KCNMB2: variants seen among roughly 807,000 people sequenced by gnomAD.
The protein encoded by KCNMB2 is calcium-activated potassium channel subunit beta-2.
A neutral mutation model predicts 24.5 loss-of-function variants in KCNMB2; 9 were observed. The ratio of observed to expected loss-of-function variants is 0.37; its 90% CI spans 0.22 to 0.64. The LOEUF (loss-of-function observed/expected upper bound fraction) is 0.64. Ranked by LOEUF, KCNMB2 falls within the 30% of genes least tolerant of loss-of-function variation. The pLI, the probability that KCNMB2 is intolerant of heterozygous loss-of-function variation, is 0.63. For synonymous variants in KCNMB2, 109 were observed against 104.4 expected (o/e 1.04, Z -0.27); for missense variants, 226 against 284.3 (o/e 0.79, Z 1.47).
chr3:178,678,295 T>C (rs114897566), intron 1 of KCNMB2, among the ~76,000 whole-genome samples: 1,900 of 152,290 alleles, frequency 0.012, 30 homozygotes, highest in African/African-American at 0.043. Flanking sequence ...AAGGGGGTGG[T>C]GCATGAATTA....
chr3:178,561,770 T>C (rs530961830), intron 1 of KCNMB2, among the ~76,000 whole-genome samples: 18 of 152,292 alleles, frequency 1.2e-4, no homozygotes, highest in African/African-American at 4.1e-4. Flanking sequence ...GCAGCAACTA[T>C]AGTGTATGTG....
At chr3:178,633,093 G>A (rs571358091) in intron 1 of KCNMB2, among the ~76,000 whole-genome samples, 12 of 152,266 alleles carry the variant, frequency 7.9e-5, no homozygotes, top group East Asian at 3.9e-4. Context: ...GGGCAGCTCC[G>A]CCCCTGTAGC....
At chr3:178,740,071 G>A (rs1438502654) in intron 1 of KCNMB2, among the ~76,000 whole-genome samples, 1 of 151,918 alleles carries the variant, frequency 6.6e-6, no homozygotes, top group Non-Finnish European at 1.5e-5. Flanking sequence ...TGAAATGTCA[G>A]CAAGTGATTT....
At chr3:178,544,856 A>T (rs1161216768) in intron 1 of KCNMB2, among the ~76,000 whole-genome samples, 1 of 152,246 alleles carries the variant, frequency 6.6e-6, no homozygotes, top group Non-Finnish European at 1.5e-5. Flanking sequence ...CATTGAAAGC[A>T]GCAACGATGT....
At chr3:178,655,845 A>T (rs10513757) in intron 1 of KCNMB2, among the ~76,000 whole-genome samples, 26,184 of 152,102 alleles carry the variant, frequency 0.17, 3,416 homozygotes, top group African/African-American at 0.37. Flanking sequence ...AGCTTCCCAG[A>T]CTTCCTGAAT....
chr3:178,755,214 C>T (rs904767056), intron 1 of KCNMB2, among the ~76,000 whole-genome samples: 8 of 152,198 alleles, frequency 5.3e-5, no homozygotes, highest in Non-Finnish European at 8.8e-5. Context: ...ACTCAAAAAA[C>T]GCCCCATGAA....
At chr3:178,605,164 G>C (rs944958460) in intron 1 of KCNMB2, among the ~76,000 whole-genome samples, 1 of 152,100 alleles carries the variant, frequency 6.6e-6, no homozygotes, top group Non-Finnish European at 1.5e-5. Flanking sequence ...TTGGTGATTA[G>C]GTTGTGAGGA....
intron 1 of KCNMB2, among the ~76,000 whole-genome samples, chr3:178,786,308 A>T (rs1713096472): frequency 1.3e-5 from 2 of 152,198 alleles, no homozygotes; most frequent in African/African-American, 4.8e-5. Flanking sequence ...TGGCCACAAA[A>T]TACCTCCCTT....
intron 1 of KCNMB2, among the ~76,000 whole-genome samples, chr3:178,560,983 C>A (rs1302697887): frequency 6.6e-6 from 1 of 152,140 alleles, no homozygotes; most frequent in African/African-American, 2.4e-5. Flanking sequence ...AAGCACACAG[C>A]AGAGTATCAG....
intron 1 of KCNMB2, among the ~76,000 whole-genome samples, chr3:178,683,693 A>G (rs1052004271): frequency 1.1e-4 from 16 of 152,176 alleles, no homozygotes; most frequent in Admixed American, 2.0e-4. Flanking sequence ...CCCAACCCTC[A>G]GTTTAACCTT....
At chr3:178,798,661 G>A (rs1713650045) in intron 1 of KCNMB2, among the ~76,000 whole-genome samples, 2 of 152,186 alleles carry the variant, frequency 1.3e-5, no homozygotes, top group South Asian at 4.1e-4. Flanking sequence ...ACTTATAAGT[G>A]AGAGCTGAAC....
At chr3:178,835,909 T>C (rs1715211400) in intron 4 of KCNMB2, among the ~76,000 whole-genome samples, 1 of 152,204 alleles carries the variant, frequency 6.6e-6, no homozygotes. Flanking sequence ...ATATTGTTTA[T>C]GTTTTTGTCA....
At chr3:178,780,317 T>C (rs1712776320) in intron 1 of KCNMB2, among the ~76,000 whole-genome samples, 1 of 152,194 alleles carries the variant, frequency 6.6e-6, no homozygotes, top group African/African-American at 2.4e-5. Context: ...TTATTCCTTA[T>C]AGGAACAATG....
At chr3:178,785,665 A>G (rs1162964418) in intron 1 of KCNMB2, among the ~76,000 whole-genome samples, 8 of 152,078 alleles carry the variant, frequency 5.3e-5, no homozygotes, top group Admixed American at 2.6e-4. Flanking sequence ...CTGTTTCTTG[A>G]CTTGGATGCT....
At chr3:178,819,481 C>T (rs1458357065) in intron 2 of KCNMB2, among the ~76,000 whole-genome samples, 1 of 152,056 alleles carries the variant, frequency 6.6e-6, no homozygotes, top group Non-Finnish European at 1.5e-5. Context: ...CCTCGGCCTC[C>T]AGTCTCCCTT....
intron 1 of KCNMB2, among the ~76,000 whole-genome samples, chr3:178,606,820 A>G (rs753671302): frequency 2.0e-5 from 3 of 152,226 alleles, no homozygotes; most frequent in Non-Finnish European, 4.4e-5. Flanking sequence ...CAGAGCCCTT[A>G]CAAATGGGAT....
At chr3:178,567,158 G>A (rs1293700600) in intron 1 of KCNMB2, among the ~76,000 whole-genome samples, 1 of 152,144 alleles carries the variant, frequency 6.6e-6, no homozygotes, top group Admixed American at 6.6e-5. Context: ...CTGACCAGAA[G>A]CAGAAAGATC....
intron 1 of KCNMB2, among the ~76,000 whole-genome samples, chr3:178,688,656 A>G (rs1721554211): frequency 6.6e-6 from 1 of 152,220 alleles, no homozygotes; most frequent in Admixed American, 6.5e-5. Flanking sequence ...GCAAACAAAA[A>G]GAAAACCCTA....
intron 1 of KCNMB2, among the ~76,000 whole-genome samples, chr3:178,784,874 T>TAAAAAAAAAAAAAAAAAAAAAAAAAA (rs67483966): frequency 8.2e-6 from 1 of 121,394 alleles, no homozygotes; most frequent in Admixed American, 8.7e-5. Flanking sequence ...CCTGAAGCCT[T>TAAAAAAAAAAAAAAAAAAAAAAAAAA]AAAAAAAAAA....
Sources: gnomAD v4.1 joint callset for allele counts (sites outside exome capture counted in the v4.1 genomes callset) on GRCh38, gnomAD v4.1.1 for gene constraint, MANE v1.5 for transcripts, NCBI Gene and HGNC (gene_info 2026-07-23, HGNC 2026-07-21) for gene names.